Variants in RUNX1 observed in about 807,000 individuals in gnomAD.
The protein encoded by RUNX1 is runt-related transcription factor 1.
In RUNX1, 19 loss-of-function variants were observed where a neutral mutation model predicts 42.8. The observed-to-expected ratio is 0.44, with a 90% CI of 0.31 to 0.65. The LOEUF (loss-of-function observed/expected upper bound fraction) is 0.65. Ranked by LOEUF, RUNX1 falls within the 30% of genes least tolerant of loss-of-function variation. The pLI, the probability that RUNX1 is intolerant of heterozygous loss-of-function variation, is 0.07. For missense variants in RUNX1, 528 were observed against 672.0 expected, an observed-to-expected ratio of 0.79 and a Z score of 2.37; for synonymous variants, 271 against 289.4, an observed-to-expected ratio of 0.94 and a Z score of 0.64.
chr21:34,980,739 G>C (rs2058840616), intron 2 of RUNX1, among the ~76,000 whole-genome samples: 1 of 152,142 alleles, frequency 6.6e-6, no homozygotes, highest in East Asian at 1.9e-4. Context: ...TTGTGTGCCA[G>C]TGAACAGCCG....
chr21:35,036,942 A>G (rs2059312793), intron 2 of RUNX1, among the ~76,000 whole-genome samples: 1 of 152,192 alleles, frequency 6.6e-6, no homozygotes, highest in African/African-American at 2.4e-5. Context: ...CTCAGGTGGC[A>G]GGCCCCTGAT....
intron 2 of RUNX1, among the ~76,000 whole-genome samples, chr21:34,934,122 TGA>T (rs2058468025): frequency 6.6e-6 from 1 of 152,186 alleles, no homozygotes; most frequent in Non-Finnish European, 1.5e-5. Context: ...GTGTATGTCC[TGA>T]GAGAGCAAAG....
chr21:34,849,401 T>G (rs2057378831), intron 6 of RUNX1, among the ~76,000 whole-genome samples: 1 of 59,068 alleles, frequency 1.7e-5, no homozygotes, highest in African/African-American at 6.8e-5. Context: ...TAATATATTA[T>G]ACTATATATA....
chr21:35,049,112 G>C, intron 1 of RUNX1, 56 bp downstream of exon 1: 9 of 433,820 alleles, frequency 2.1e-5, no homozygotes, highest in East Asian at 4.0e-5. Context: ...AATTGTTAAA[G>C]ATTAAAAAAA....
At chr21:34,848,532 T>C (rs2057349271) in intron 6 of RUNX1, among the ~76,000 whole-genome samples, 1 of 152,190 alleles carries the variant, frequency 6.6e-6, no homozygotes. Flanking sequence ...CCTCTCGAGT[T>C]CAAGTGATTC....
At chr21:34,835,290 G>T (rs2057129223) in intron 6 of RUNX1, among the ~76,000 whole-genome samples, 1 of 152,146 alleles carries the variant, frequency 6.6e-6, no homozygotes, top group African/African-American at 2.4e-5. Context: ...TGACAGGAAG[G>T]CCTCGCCTGT....
chr21:34,960,723 T>C (rs2058675977), intron 2 of RUNX1, among the ~76,000 whole-genome samples: 1 of 152,166 alleles, frequency 6.6e-6, no homozygotes, highest in South Asian at 2.1e-4. Flanking sequence ...TTGTGTATAA[T>C]TTTTACCCCA....
intron 2 of RUNX1, among the ~76,000 whole-genome samples, chr21:34,983,878 T>G (rs2058865565): frequency 6.6e-6 from 1 of 152,144 alleles, no homozygotes; most frequent in African/African-American, 2.4e-5. Flanking sequence ...CACCATTAAC[T>G]CTGAAGTTTA....
intron 2 of RUNX1, among the ~76,000 whole-genome samples, chr21:34,977,557 G>A (rs781365378): frequency 1.7e-4 from 26 of 152,168 alleles, no homozygotes; most frequent in African/African-American, 4.8e-4. Flanking sequence ...CTGCTTTTGC[G>A]GAGAGAGGGG....
chr21:34,850,176 T>C (rs1156922249), intron 6 of RUNX1, among the ~76,000 whole-genome samples: 1 of 152,214 alleles, frequency 6.6e-6, no homozygotes, highest in Non-Finnish European at 1.5e-5. Context: ...GCTGGGATGC[T>C]GTGACTGCCA....
chr21:34,870,715 T>G (rs1410741634), intron 5 of RUNX1, among the ~76,000 whole-genome samples: 1 of 152,068 alleles, frequency 6.6e-6, no homozygotes, highest in Non-Finnish European at 1.5e-5. Flanking sequence ...ATCCCAGCAC[T>G]TTGGGAGGCC....
chr21:35,047,557 A>ACT (rs2059407769), intron 2 of RUNX1, among the ~76,000 whole-genome samples: 11 of 75,808 alleles, frequency 1.5e-4, no homozygotes, highest in African/African-American at 6.2e-4. Context: ...ACACACACAC[A>ACT]CACACTCTCT....
Position 34,834,416 on chromosome 21 carries a change from T to C in RUNX1, c.799A>G (p.Met267Val), listed in dbSNP as rs2057110840. The change falls in exon 7 of 9, where the codon ATG becomes GTG. Residue 267 changes from methionine to valine, a missense_variant. By Grantham distance (21) the Met-to-Val change is conservative. Around this residue, in one of 3 missense-constraint regions of RUNX1, gnomAD observed 331 missense variants for 382.5 expected, o/e 0.87. Coordinates refer to ENST00000675419, the MANE Select transcript of RUNX1 (RefSeq NM_001754.5). The part of the protein sequence containing the change: ...TAFNPQPQSQ[M>V]QDTRQIQPSP... ...GGCTCCATCTGGTACTTACCCTGCATCTGACTCTGAGGCTGAGGGTTAAAG... is the reference window on the plus strand; with the variant it reads ...GGCTCCATCTGGTACTTACCCTGCACCTGACTCTGAGGCTGAGGGTTAAAG... 6.2e-7 allele frequency: 1 copy of C among 1,609,448 alleles called. No individual in the cohort carries two copies. Among genetic ancestry groups the C allele is most frequent in the South Asian group, 1.1e-5 (1 of 91,040 alleles).
intron 2 of RUNX1, among the ~76,000 whole-genome samples, chr21:35,031,297 G>A (rs755335363): frequency 1.3e-4 from 20 of 152,170 alleles, no homozygotes; most frequent in Non-Finnish European, 2.4e-4. Context: ...GCGGTGAGCC[G>A]AGATCGTGCC....
intron 2 of RUNX1, among the ~76,000 whole-genome samples, chr21:34,917,116 G>A (rs2058317444): frequency 6.6e-6 from 1 of 152,152 alleles, no homozygotes; most frequent in Non-Finnish European, 1.5e-5. Flanking sequence ...ATGGGCAGGT[G>A]GGCATCACAG....
At chr21:34,864,425 A>C (rs2057626025) in intron 5 of RUNX1, among the ~76,000 whole-genome samples, 1 of 152,208 alleles carries the variant, frequency 6.6e-6, no homozygotes. Context: ...GACCCAGTGC[A>C]GGGGTGGAAG....
chr21:34,985,744 C>T (rs2058881161), intron 2 of RUNX1, among the ~76,000 whole-genome samples: 1 of 151,886 alleles, frequency 6.6e-6, no homozygotes, highest in Non-Finnish European at 1.5e-5. Context: ...TTTTATTATC[C>T]TATATTATAT....
At chr21:34,860,276 G>A (rs566969195) in intron 5 of RUNX1, among the ~76,000 whole-genome samples, 12 of 152,310 alleles carry the variant, frequency 7.9e-5, no homozygotes, top group Non-Finnish European at 1.6e-4. Flanking sequence ...TAAAAGGTGA[G>A]AAAATCTTCA....
At chr21:34,918,346 G>C (rs916787941) in intron 2 of RUNX1, among the ~76,000 whole-genome samples, 1 of 151,920 alleles carries the variant, frequency 6.6e-6, no homozygotes, top group Non-Finnish European at 1.5e-5. Context: ...TTGTCCCCTG[G>C]TCTGAGTTGA....
Sources: gnomAD v4.1 joint callset for allele counts (sites outside exome capture counted in the v4.1 genomes callset) on GRCh38, gnomAD v4.1.1 for gene constraint, gnomAD v4.1.1 regional missense constraint, MANE v1.5 for transcripts, NCBI Gene and HGNC (gene_info 2026-07-23, HGNC 2026-07-21) for gene names.